Variants in BCAS3 observed in about 807,000 individuals in gnomAD.
BCAS3 encodes BCAS3 microtubule associated cell migration factor, also known as BCAS4/BCAS3 fusion.
BCAS3 carries 53 observed loss-of-function variants against 116.1 expected under a neutral mutation model. The observed-to-expected ratio is 0.46, with a 90% CI of 0.37 to 0.57. The LOEUF is 0.57. Ranked by LOEUF, BCAS3 falls within the 20% of genes least tolerant of loss-of-function variation. The probability of loss-of-function intolerance (pLI) is 0.00; values close to 1 mark genes in which losing one functional copy is unlikely to be tolerated. For missense variants in BCAS3, 917 were observed against 1,165.4 expected, an observed-to-expected ratio of 0.79 and a Z score of 3.10; for synonymous variants, 391 against 408.2, an observed-to-expected ratio of 0.96 and a Z score of 0.51.
chr17:60,776,154 G>A lies in BCAS3; in HGVS notation c.403+28875G>A, dbSNP rs1281893192. ...TGAGAAATTTTCTTTGTATAAAGTCGTGCTTCACAGTTTGTTAATGTTTTA... is the reference window on the plus strand; with the variant it reads ...TGAGAAATTTTCTTTGTATAAAGTCATGCTTCACAGTTTGTTAATGTTTTA... On this transcript the variant is annotated intron_variant, in intron 6 of 23. Coordinates refer to ENST00000407086, the MANE Select transcript of BCAS3 (RefSeq NM_017679.5). 4.6e-5 allele frequency among the ~76,000 whole-genome samples: 7 copies of A among 152,226 alleles called. No individual in the cohort carries two copies. The South Asian group carries it at 6.2e-4, about 14-fold the overall frequency.
chr17:61,062,558 G>A (rs575899213), intron 19 of BCAS3, among the ~76,000 whole-genome samples: 2 of 152,304 alleles, frequency 1.3e-5, no homozygotes, highest in South Asian at 4.1e-4. Flanking sequence ...ACTAGTGTGA[G>A]TTCTAGTAGA....
At chr17:61,116,167 A>G (rs554386854) in intron 22 of BCAS3, among the ~76,000 whole-genome samples, 18 of 152,122 alleles carry the variant, frequency 1.2e-4, no homozygotes, top group Non-Finnish European at 2.1e-4. Context: ...GGTGCAGCGC[A>G]CCAGCATGGC....
chr17:61,274,190 A>G (rs192823833), intron 22 of BCAS3, among the ~76,000 whole-genome samples: 249 of 148,652 alleles, frequency 1.7e-3, no homozygotes, highest in African/African-American at 5.6e-3. Context: ...GTTCCCACCT[A>G]TGAGTGAGAA....
intron 7 of BCAS3, among the ~76,000 whole-genome samples, chr17:60,808,785 A>G (rs1406159390): frequency 1.3e-5 from 2 of 152,204 alleles, no homozygotes; most frequent in Non-Finnish European, 1.5e-5. Flanking sequence ...CATGCAAAAT[A>G]ATTATGAAAT....
chr17:61,034,603 A>T lies in BCAS3; in HGVS notation c.1638-63A>T. On this transcript the variant is annotated intron_variant, in intron 16 of 23. Transcript: ENST00000407086. The surrounding 1 kb of genome is among the most constrained non-coding windows in gnomAD (Gnocchi z 5.0). ...GGTGGAATTTAAAGGAAAAACTGTCATTACCTAAAGGAGTATCATTTCATC... is the reference window on the plus strand; with the variant it reads ...GGTGGAATTTAAAGGAAAAACTGTCTTTACCTAAAGGAGTATCATTTCATC... The T allele has an allele frequency of 6.9e-7, 1 of 1,445,282 alleles. No individual in the cohort carries two copies. Among genetic ancestry groups the T allele is most frequent in the South Asian group, 1.3e-5 (1 of 76,750 alleles). 89.5% of individuals were successfully genotyped at this position (1,445,282 alleles called of 1,614,324 possible).
At chr17:61,331,980 G>A (rs1373230008) in intron 22 of BCAS3, among the ~76,000 whole-genome samples, 1 of 152,106 alleles carries the variant, frequency 6.6e-6, no homozygotes, top group Non-Finnish European at 1.5e-5. Flanking sequence ...CTTTTTCCCT[G>A]TTTCATCCTG....
In BCAS3 at chr17:61,206,013, G is replaced by A. The variant is rs531660982; in HGVS notation, c.2425+121449G>A. Among the ~76,000 whole-genome samples the A allele has an allele frequency of 3.9e-5, 6 of 152,296 alleles. No homozygotes were observed. The South Asian group carries it at 1.2e-3, about 32-fold the overall frequency. ...TTTTCCCAACTGAAGAGTCAACTGA[G>A]ATGAGTAATAAGCACACTCCTCACT... is the stretch of plus-strand genomic sequence containing the variant. On this transcript the variant is annotated intron_variant, in intron 22 of 23. Transcript: ENST00000407086.
rs1264766068 is a variant in BCAS3 at position 61,097,695 on chromosome 17, GC to G, written c.2425+13132del. On this transcript the variant is annotated intron_variant, in intron 22 of 23. Coordinates refer to ENST00000407086, the MANE Select transcript of BCAS3 (RefSeq NM_017679.5). This position sits in a 1 kb window ranked among gnomAD's most constrained non-coding sequence, Gnocchi z 4.0. ...TAAACAGTTAGGTGCCCAACACTGT[GC>G]TAGGTCTTGCCACATGTCTCATCTC... Among the ~76,000 whole-genome samples the G allele has an allele frequency of 6.6e-6, 1 of 152,176 alleles. No individual in the cohort carries two copies. Among genetic ancestry groups the G allele is most frequent in the African/African-American group, 2.4e-5 (1 of 41,436 alleles).
chr17:61,155,812 G>C (rs1001395851), intron 22 of BCAS3, among the ~76,000 whole-genome samples: 1 of 152,178 alleles, frequency 6.6e-6, no homozygotes, highest in African/African-American at 2.4e-5. Context: ...GAAGAAGAAT[G>C]CTTTCCTGTT....
At chr17:61,047,604 A>T (rs955012106) in intron 19 of BCAS3, among the ~76,000 whole-genome samples, 5 of 152,044 alleles carry the variant, frequency 3.3e-5, no homozygotes, top group African/African-American at 1.2e-4. Context: ...AAAATTACAT[A>T]CTATATTGCC....
chr17:60,850,390 C>CTTTTTTTTT (rs1555755933), intron 7 of BCAS3, among the ~76,000 whole-genome samples: 1 of 50,184 alleles, frequency 2.0e-5, no homozygotes, highest in Non-Finnish European at 3.7e-5. Context: ...GGAGTTTTTG[C>CTTTTTTTTT]TCTTGTTGCC....
At position 61,337,771 on chromosome 17, in the gene BCAS3, C is replaced by A. The variant is rs1282592697; in HGVS notation, c.2426-30556C>A. ...GTGTCCACTAGGTTCTTGGCTGAAACCTTTCAGCATTTCACAAGGTGTTAG... is the reference window on the plus strand; with the variant it reads ...GTGTCCACTAGGTTCTTGGCTGAAAACTTTCAGCATTTCACAAGGTGTTAG... On this transcript the variant is annotated intron_variant, in intron 22 of 23. Transcript: ENST00000407086. The surrounding 1 kb of genome is among the most constrained non-coding windows in gnomAD (Gnocchi z 4.8). Among the ~76,000 whole-genome samples the A allele has an allele frequency of 6.6e-6, 1 of 152,062 alleles. No homozygotes were observed. The highest frequency in any genetic ancestry group is 1.5e-5 in the Non-Finnish European group (1 of 68,018).
rs1057376788 is a variant in BCAS3, at chr17:61,063,884, T to A, written c.2030-11036T>A. ...TGAAGACTTCATCTTCAATACCATCTTGTCCCTTCTTAAAACGAACTATCC... is the reference window on the plus strand; with the variant it reads ...TGAAGACTTCATCTTCAATACCATCATGTCCCTTCTTAAAACGAACTATCC... On this transcript the variant is annotated intron_variant, in intron 19 of 23. Coordinates refer to ENST00000407086, the MANE Select transcript of BCAS3 (RefSeq NM_017679.5). This position sits in a 1 kb window ranked among gnomAD's most constrained non-coding sequence, Gnocchi z 5.3. Among the ~76,000 whole-genome samples the A allele has an allele frequency of 6.6e-6, 1 of 152,218 alleles. No homozygotes were observed. Among genetic ancestry groups the A allele is most frequent in the African/African-American group, 2.4e-5 (1 of 41,444 alleles).
At position 60,709,200 on chromosome 17, in the gene BCAS3, T is replaced by C; in HGVS notation, c.215-19T>C. 7.8e-7 allele frequency: 1 copy of C among 1,285,510 alleles called. No individual in the cohort carries two copies. The highest frequency in any genetic ancestry group is 1.1e-6 in the Non-Finnish European group (1 of 895,036). The allele number at this position is 1,285,510 out of a possible 1,614,324, so 79.6% of individuals were successfully genotyped here. ...TATGTCTTTTAAATTTGCTTCTTTG[T>C]TACTTAATTCTAATGCAGATACATC... On this transcript the variant is annotated intron_variant, in intron 4 of 23. Transcript: ENST00000407086.
rs1348315699 is a variant in BCAS3 at position 61,327,032 on chromosome 17, G to A, written c.2426-41295G>A. Among the ~76,000 whole-genome samples the A allele has an allele frequency of 5.3e-5, 8 of 152,128 alleles. No homozygotes were observed. The highest frequency in any genetic ancestry group is 1.7e-4 in the African/African-American group (7 of 41,430). On this transcript the variant is annotated intron_variant, in intron 22 of 23. Transcript: ENST00000407086. This position sits in a 1 kb window ranked among gnomAD's most constrained non-coding sequence, Gnocchi z 5.9. ...AATTAAAAAACAAAACAGGCCGGGC[G>A]CGGTGGCTCACACCTGTAATCCCAG...
chr17:61,201,536 G>C (rs1161770126), intron 22 of BCAS3, among the ~76,000 whole-genome samples: 1 of 152,180 alleles, frequency 6.6e-6, no homozygotes, highest in African/African-American at 2.4e-5. Context: ...CTTTGAGGCT[G>C]AAAGAGTCCT....
In BCAS3 at chr17:61,198,477, A is replaced by G. The variant is rs2144267495; in HGVS notation, c.2425+113913A>G. On this transcript the variant is annotated intron_variant, in intron 22 of 23. Coordinates refer to ENST00000407086, the MANE Select transcript of BCAS3 (RefSeq NM_017679.5). The surrounding 1 kb of genome is among the most constrained non-coding windows in gnomAD (Gnocchi z 5.0). ...TTTCAAATAATTCATTAATTTAAGT[A>G]TTTTCTTCTATAATAGCTACAACAA... Among the ~76,000 whole-genome samples the G allele has an allele frequency of 6.6e-6, 1 of 152,108 alleles. No individual in the cohort carries two copies. The highest frequency in any genetic ancestry group is 1.5e-5 in the Non-Finnish European group (1 of 67,994).
rs538653646 is a variant in BCAS3 at position 61,233,360 on chromosome 17, C to A, written c.2426-134967C>A. Among the ~76,000 whole-genome samples the A allele has an allele frequency of 3.3e-5, 5 of 152,160 alleles. No homozygotes were observed. The highest frequency in any genetic ancestry group is 7.3e-5 in the Non-Finnish European group (5 of 68,032). ...GCCCAGAACACTCTGTGGCTAATGG[C>A]TTTTGCAGAAGTGATTCTACAACTA... On this transcript the variant is annotated intron_variant, in intron 22 of 23. Transcript: ENST00000407086. The surrounding 1 kb of genome is among the most constrained non-coding windows in gnomAD (Gnocchi z 4.3).
intron 6 of BCAS3, among the ~76,000 whole-genome samples, chr17:60,768,226 A>C (rs1260349688): frequency 6.6e-6 from 1 of 152,096 alleles, no homozygotes; most frequent in Non-Finnish European, 1.5e-5. Flanking sequence ...GTTAATACTG[A>C]GTGTCAACTT....
Sources: gnomAD v4.1 joint callset for allele counts (sites outside exome capture counted in the v4.1 genomes callset) on GRCh38, gnomAD v4.1.1 for gene constraint, Gnocchi (gnomAD v3.1) non-coding constraint, MANE v1.5 for transcripts, NCBI Gene and HGNC (gene_info 2026-07-23, HGNC 2026-07-21) for gene names.